The following SGPP1 variants were observed in gnomAD, a reference collection of about 807,000 sequenced individuals.
The protein encoded by SGPP1 is hSPP1.
A neutral mutation model predicts 33.0 loss-of-function variants in SGPP1; 21 were observed. That is an observed-to-expected ratio of 0.64 (90% CI 0.45 to 0.92). The LOEUF is 0.92. SGPP1 is among the 40% of genes least tolerant of loss of function. The pLI is 0.00. For missense variants in SGPP1, 543 were observed against 589.4 expected (o/e 0.92, Z 0.81); for synonymous variants, 239 against 241.2 (o/e 0.99, Z 0.08).
chr14:63,693,198 G>A (rs750752934), intron 2 of SGPP1, among the ~76,000 whole-genome samples: 5 of 152,236 alleles, frequency 3.3e-5, no homozygotes, highest in Admixed American at 6.5e-5. Flanking sequence ...CTCCCGAAGT[G>A]TTGGGATTAC....
intron 2 of SGPP1, among the ~76,000 whole-genome samples, chr14:63,697,457 C>T (rs914659701): frequency 6.6e-6 from 1 of 152,182 alleles, no homozygotes; most frequent in African/African-American, 2.4e-5. Flanking sequence ...AATTCTTCCA[C>T]CTTTTTTTGT....
At chr14:63,686,692 T>A (rs376991713) in intron 2 of SGPP1, 36 bp from the exon 3 acceptor site, 4 of 1,388,744 alleles carry the variant, frequency 2.9e-6, no homozygotes, top group Non-Finnish European at 3.9e-6. Context: ...TTTAGTATAA[T>A]ACTGAATATT....
At chr14:63,688,688 G>A (rs1373989864) in intron 2 of SGPP1, among the ~76,000 whole-genome samples, 1 of 150,818 alleles carries the variant, frequency 6.6e-6, no homozygotes, top group Non-Finnish European at 1.5e-5. Context: ...ATGGATACTA[G>A]AGGTCTTCAA....
rs954332077 is a variant in SGPP1, at chr14:63,686,484, C to T, written c.947G>A (p.Arg316Gln). The T allele has an allele frequency of 1.9e-6, 3 of 1,613,940 alleles. No homozygotes were observed. Among genetic ancestry groups the T allele is most frequent in the Non-Finnish European group, 2.5e-6 (3 of 1,180,000 alleles). The part of the protein sequence containing the change: ...SFTLDTWSTS[R>Q]GDTAEILGSG... ...TCCTAGTATCTCGGCTGTGTCTCCT[C>T]GGGATGTGCTCCAGGTGTCAAGAGT... The change falls in exon 3 of 3, where the codon CGA becomes CAA. Residue 316 changes from arginine to glutamine, a missense_variant. Arg to Gln is a conservative substitution (Grantham distance 43). Coordinates refer to ENST00000247225, the MANE Select transcript of SGPP1 (RefSeq NM_030791.4).
chr14:63,684,967 T>C lies in SGPP1; in HGVS notation c.*1138A>G, dbSNP rs555569815. ...ATCCTTTCCAAATTATTTAGAAAAA[T>C]GCTTTGTTTACATATGAAGTATGTG... On this transcript the variant is annotated 3_prime_UTR_variant, in exon 3 of 3. Coordinates refer to ENST00000247225, the MANE Select transcript of SGPP1 (RefSeq NM_030791.4). 1.2e-4 allele frequency: 19 copies of C among 152,282 alleles called. No homozygotes were observed. The highest frequency in any genetic ancestry group is 6.8e-3 in the Middle Eastern group (2 of 294). 9.4% of individuals were successfully genotyped at this position (152,282 alleles called of 1,614,324 possible).
chr14:63,707,002 C>A (rs1462591812), intron 1 of SGPP1, among the ~76,000 whole-genome samples: 1 of 140,904 alleles, frequency 7.1e-6, no homozygotes, highest in Non-Finnish European at 1.5e-5. Flanking sequence ...GATCATGCCA[C>A]TGCACTCCAG....
In SGPP1 at chr14:63,698,656, G is replaced by T; in HGVS notation, c.687C>A (p.Tyr229Ter). ...TAAGAATCAGTCCATATATAAGAGGGTACTAAAGGGGAAAAAAAGTAAAAT... is the reference window on the plus strand; with the variant it reads ...TAAGAATCAGTCCATATATAAGAGGTTACTAAAGGGGAAAAAAAGTAAAAT... ...MVLLTYGRWQ[Y>*]PLIYGLILIP... The change falls in exon 2 of 3, where the codon TAC becomes TAA. Residue 229 changes from tyrosine to a stop codon, truncating the protein, a stop_gained and splice_region_variant. Coordinates refer to ENST00000247225, the MANE Select transcript of SGPP1 (RefSeq NM_030791.4). LOFTEE classifies it high-confidence loss of function. The T allele has an allele frequency of 6.5e-7, 1 of 1,548,576 alleles. No homozygotes were observed. Among genetic ancestry groups the T allele is most frequent in the Non-Finnish European group, 8.7e-7 (1 of 1,147,794 alleles).
chr14:63,690,533 G>T (rs907316347), intron 2 of SGPP1, among the ~76,000 whole-genome samples: 4 of 152,190 alleles, frequency 2.6e-5, no homozygotes, highest in Non-Finnish European at 5.9e-5. Context: ...CTATAAAATG[G>T]TAGGGAAATA....
intron 1 of SGPP1, among the ~76,000 whole-genome samples, chr14:63,704,494 C>G (rs1885366008): frequency 1.3e-5 from 2 of 152,192 alleles, no homozygotes; most frequent in South Asian, 4.1e-4. Flanking sequence ...ACTCCTATCT[C>G]ATACCATATA....
intron 1 of SGPP1, among the ~76,000 whole-genome samples, chr14:63,722,739 G>T (rs1160723566): frequency 6.6e-6 from 1 of 151,936 alleles, no homozygotes; most frequent in African/African-American, 2.4e-5. Flanking sequence ...GCCGAGGTGG[G>T]AGGATCACTT....
chr14:63,685,178 C>A lies in SGPP1; in HGVS notation c.*927G>T, dbSNP rs1264409787. ...TAATAAATTGGTGAGAAAGTTTAGCCCATTCCACATTTCTTTCTAAATAAA... is the reference window on the plus strand; with the variant it reads ...TAATAAATTGGTGAGAAAGTTTAGCACATTCCACATTTCTTTCTAAATAAA... On this transcript the variant is annotated 3_prime_UTR_variant, in exon 3 of 3. Coordinates refer to ENST00000247225, the MANE Select transcript of SGPP1 (RefSeq NM_030791.4). The A allele has an allele frequency of 1.3e-5, 2 of 152,226 alleles. No homozygotes were observed. Among genetic ancestry groups the A allele is most frequent in the Non-Finnish European group, 2.9e-5 (2 of 67,890 alleles). The allele number at this position is 152,226 out of a possible 1,614,324, so 9.4% of individuals were successfully genotyped here. A position where few individuals can be genotyped will look rare whatever the true frequency, so the allele number is the denominator to read the frequency against.
chr14:63,695,182 C>CG (rs1356653308), intron 2 of SGPP1, among the ~76,000 whole-genome samples: 1 of 151,994 alleles, frequency 6.6e-6, no homozygotes, highest in Non-Finnish European at 1.5e-5. Flanking sequence ...TCAGCCTCCC[C>CG]AGTAGCTGGG....
rs766517011 is a variant in SGPP1 at position 63,727,314 on chromosome 14, A to G, written c.631T>C (p.Ser211Pro). ...ATAGAAATGGGGATGGCGGTGCCGG[A>G]CATGGCATGGGTGGAGGGCATGCTG... is the stretch of plus-strand genomic sequence containing the variant. ...EYSMPSTHAM[S>P]GTAIPISMVL... is the part of the protein sequence containing the mutation. The change falls in exon 1 of 3, where the codon TCC (serine) becomes CCC (proline). Residue 211 changes from serine to proline, a missense_variant. Ser to Pro is a moderately conservative substitution (Grantham distance 74). Transcript: ENST00000247225. 6 of 1,613,940 alleles carry G rather than the reference A, an allele frequency of 3.7e-6. No individual in the cohort carries two copies. In the African/African-American group the frequency reaches 5.3e-5, roughly 14 times the overall value.
chr14:63,704,667 C>T (rs1885369565), intron 1 of SGPP1, among the ~76,000 whole-genome samples: 1 of 151,936 alleles, frequency 6.6e-6, no homozygotes, highest in Non-Finnish European at 1.5e-5. Context: ...CTGGACAACA[C>T]AGTAAGACCC....
intron 1 of SGPP1, among the ~76,000 whole-genome samples, chr14:63,701,806 G>A (rs1885304566): frequency 6.6e-6 from 1 of 151,772 alleles, no homozygotes; most frequent in Non-Finnish European, 1.5e-5. Context: ...TTAGAAGGCT[G>A]TTGGTATAAT....
chr14:63,714,977 C>T (rs1236146920), intron 1 of SGPP1, among the ~76,000 whole-genome samples: 1 of 151,816 alleles, frequency 6.6e-6, no homozygotes, highest in East Asian at 1.9e-4. Flanking sequence ...CCTGCCTCAG[C>T]CTCCTAAAGT....
intron 1 of SGPP1, among the ~76,000 whole-genome samples, chr14:63,709,519 T>C (rs1198063405): frequency 6.6e-6 from 1 of 152,210 alleles, no homozygotes; most frequent in Non-Finnish European, 1.5e-5. Flanking sequence ...TTACTTTATA[T>C]TTTTATCATT....
In SGPP1 at chr14:63,727,677, G is replaced by C; in HGVS notation, c.268C>G (p.Arg90Gly). 1 of 1,334,798 alleles carries C rather than the reference G, an allele frequency of 7.5e-7. No individual in the cohort carries two copies. Among genetic ancestry groups the C allele is most frequent in the Non-Finnish European group, 9.5e-7 (1 of 1,050,332 alleles). The allele number at this position is 1,334,798 out of a possible 1,614,324, so 82.7% of individuals were successfully genotyped here. Residue 90 changes from arginine to glycine, a missense_variant, in exon 1 of 3, where the codon CGG (arginine) becomes GGG (glycine). By Grantham distance (125) the Arg-to-Gly change is moderately radical (BLOSUM62 -2). Coordinates refer to ENST00000247225, the MANE Select transcript of SGPP1 (RefSeq NM_030791.4). ...CCCAGCTCGGCCGCCAGCCCGTTCC[G>C]CACGCCGTTGGGGGCGCCGCCGCCG... ...PDGGGAPNGVRNGLAAELGPA... is the reference protein window; with the variant it reads ...PDGGGAPNGVGNGLAAELGPA...
chr14:63,725,825 ATTG>A (rs1290489753), intron 1 of SGPP1, among the ~76,000 whole-genome samples: 1 of 152,212 alleles, frequency 6.6e-6, no homozygotes, highest in Non-Finnish European at 1.5e-5. Flanking sequence ...AAAAGGCTCT[ATTG>A]TTACAGAATC....
Sources: gnomAD v4.1 joint callset for allele counts (sites outside exome capture counted in the v4.1 genomes callset) on GRCh38, gnomAD v4.1.1 for gene constraint, MANE v1.5 for transcripts, NCBI Gene and HGNC (gene_info 2026-07-23, HGNC 2026-07-21) for gene names.